The following SYT12 variants were observed in gnomAD, a reference collection of about 807,000 sequenced individuals.
The protein encoded by SYT12 is synaptotagmin 12.
A neutral mutation model predicts 39.5 loss-of-function variants in SYT12; 27 were observed. The observed-to-expected ratio is 0.68, with a 90% CI of 0.50 to 0.94. SYT12 has a LOEUF of 0.94. Among genes scored for constraint, SYT12 ranks in the 40% least tolerant of loss-of-function variants. The pLI is 0.00. For synonymous variants in SYT12, 233 were observed against 239.7 expected, an observed-to-expected ratio of 0.97 and a Z score of 0.26; for missense variants, 536 against 572.6, an observed-to-expected ratio of 0.94 and a Z score of 0.65.
At chr11:67,007,020 C>T (rs1486523665) in exon 1 of SYT12, 1 of 152,216 alleles carries the variant, frequency 6.6e-6, no homozygotes, top group East Asian at 1.9e-4. Flanking sequence ...GCTTAGCCGA[C>T]GAAGGGAAAA....
intron 3 of SYT12, among the ~76,000 whole-genome samples, chr11:67,035,379 A>G (rs141249658): frequency 1.5e-3 from 222 of 146,578 alleles, no homozygotes; most frequent in African/African-American, 5.6e-3. Context: ...GGGCTACCCC[A>G]TAGGCCAAAT....
intron 3 of SYT12, among the ~76,000 whole-genome samples, chr11:67,013,441 A>C (rs1950029196): frequency 6.6e-6 from 1 of 152,068 alleles, no homozygotes; most frequent in Non-Finnish European, 1.5e-5. Context: ...CCTTCCAGGA[A>C]CTGAGTGAGC....
rs1399664414 is a variant in SYT12, at chr11:67,040,035, C to T, written c.453C>T (p.Phe151=). ...SSVSNTFGQD[F]TLGQVEVSME... is the part of the protein sequence containing the mutation. ...TGAGCAACACCTTTGGGCAGGACTT[C>T]ACACTGGGCCAGGTGGAGGTGAGCA... The change falls in exon 4 of 8, where the codon TTC becomes TTT. Residue 151 remains phenylalanine (F), a synonymous_variant. Transcript: ENST00000527043. The T allele has an allele frequency of 3.5e-5, 56 of 1,613,864 alleles. No individual in the cohort carries two copies. Among genetic ancestry groups the T allele is most frequent in the Non-Finnish European group, 4.7e-5 (56 of 1,180,038 alleles).
chr11:67,039,894 T>C lies in SYT12; in HGVS notation c.312T>C (p.Phe104=). 6.2e-7 allele frequency: 1 copy of C among 1,613,650 alleles called. No homozygotes were observed. Among genetic ancestry groups the C allele is most frequent in the South Asian group, 1.1e-5 (1 of 91,082 alleles). Residue 104 remains phenylalanine (F), a synonymous_variant, in exon 4 of 8, where the codon TTT becomes TTC. Coordinates refer to ENST00000527043, the MANE Select transcript of SYT12 (RefSeq NM_177963.4). ...GCAGTCTCAGCATTGAGGACACCTT[T>C]GAGAGCATCAGTGAACTGGGGCCTC... The part of the protein sequence containing the change: ...RKGSLSIEDT[F]ESISELGPLE...
chr11:67,024,547 C>T (rs939377631), intron 1 of SYT12, among the ~76,000 whole-genome samples: 7 of 152,204 alleles, frequency 4.6e-5, no homozygotes, highest in African/African-American at 1.7e-4. Context: ...GCCCACACTG[C>T]ACCTCAGTTT....
chr11:67,034,368 A>G (rs573398570), intron 2 of SYT12, among the ~76,000 whole-genome samples: 1 of 152,324 alleles, frequency 6.6e-6, no homozygotes, highest in African/African-American at 2.4e-5. Flanking sequence ...AGAAATGTCT[A>G]TTGGAGCATT....
chr11:67,034,877 C>T (rs1179086933), intron 3 of SYT12, 39 bp downstream of exon 3: 3 of 1,439,012 alleles, frequency 2.1e-6, no homozygotes, highest in East Asian at 2.6e-5. Flanking sequence ...GCGAGTGCAA[C>T]CCCATGCCCC....
At chr11:67,029,950 A>C in intron 1 of SYT12, 172 bp from the exon 2 acceptor site, 1 of 582,748 alleles carries the variant, frequency 1.7e-6, no homozygotes, top group Admixed American at 3.2e-5. Flanking sequence ...GAATGCTTGA[A>C]AAGAGCTTTA....
At chr11:67,033,478 A>G (rs1950306771) in intron 2 of SYT12, among the ~76,000 whole-genome samples, 1 of 152,162 alleles carries the variant, frequency 6.6e-6, no homozygotes, top group East Asian at 1.9e-4. Context: ...GCAGTGATCA[A>G]TCTCATGCCC....
chr11:67,014,853 AC>A (rs1231252549), intron 3 of SYT12, among the ~76,000 whole-genome samples: 4 of 151,506 alleles, frequency 2.6e-5, no homozygotes, highest in Non-Finnish European at 2.9e-5. Flanking sequence ...CCTCCTTACT[AC>A]CACTCTCGAC....
chr11:67,046,969 A>AT lies in SYT12; in HGVS notation c.1092+1105dup, dbSNP rs988494593. 2.7e-3 allele frequency among the ~76,000 whole-genome samples: 399 copies of AT among 145,732 alleles called. 1 individual carries two copies. Among genetic ancestry groups the AT allele is most frequent in the East Asian group, 7.6e-3 (38 of 5,000 alleles). On this transcript the variant is annotated intron_variant, in intron 7 of 7. Transcript: ENST00000527043. ...AAACAGCCCTATGAGATAGAAACCAATTTTTTTTTTTTTGAGACAGAGTCT... is the reference window on the plus strand; with the variant it reads ...AAACAGCCCTATGAGATAGAAACCAATTTTTTTTTTTTTTGAGACAGAGTCT...
upstream of SYT12, among the ~76,000 whole-genome samples, chr11:67,019,464 C>T (rs1342339611): frequency 6.7e-6 from 1 of 150,336 alleles, no homozygotes; most frequent in African/African-American, 2.5e-5. Context: ...AAGAGCGAAA[C>T]TCCACCTCAA....
intron 7 of SYT12, among the ~76,000 whole-genome samples, chr11:67,047,548 G>A (rs1482410690): frequency 1.3e-5 from 2 of 150,612 alleles, no homozygotes; most frequent in South Asian, 4.3e-4. Context: ...GATTACAGAT[G>A]TGAGCCACCA....
upstream of SYT12, among the ~76,000 whole-genome samples, chr11:67,022,466 C>T (rs767249033): frequency 2.0e-5 from 3 of 152,234 alleles, no homozygotes; most frequent in Non-Finnish European, 4.4e-5. Flanking sequence ...GCCTCACTGC[C>T]AGACTGCGCG....
At chr11:67,027,769 T>G (rs886648867) in intron 1 of SYT12, 2 of 152,230 alleles carry the variant, frequency 1.3e-5, no homozygotes, top group East Asian at 3.8e-4. Context: ...ATGCATACCT[T>G]GCTCGCGTGC....
rs1317015327 is a variant in SYT12, at chr11:67,049,448, A to C, written c.*691A>C. 1.3e-5 allele frequency: 2 copies of C among 152,268 alleles called. No homozygotes were observed. 9.4% of individuals were successfully genotyped at this position (152,268 alleles called of 1,614,324 possible). On this transcript the variant is annotated 3_prime_UTR_variant, in exon 8 of 8. Transcript: ENST00000527043. ...GGCAGCAGCCTACCGGCCACGTGGA[A>C]CACTGGCTCCGGAGTTATTCTCTGT...
chr11:67,035,700 G>T (rs781356016), intron 3 of SYT12, among the ~76,000 whole-genome samples: 1 of 151,110 alleles, frequency 6.6e-6, no homozygotes, highest in Non-Finnish European at 1.5e-5. Flanking sequence ...CTCGTGATCC[G>T]CCCGCCTTGG....
intron 2 of SYT12, among the ~76,000 whole-genome samples, chr11:67,033,992 C>A (rs1244305921): frequency 1.3e-5 from 2 of 152,136 alleles, no homozygotes; most frequent in Non-Finnish European, 2.9e-5. Flanking sequence ...GTCTCCAAGC[C>A]CTGCACAGCC....
chr11:67,017,249 T>C (rs747870595), intron 3 of SYT12, among the ~76,000 whole-genome samples: 1 of 152,146 alleles, frequency 6.6e-6, no homozygotes, highest in African/African-American at 2.4e-5. Context: ...AGGCCGGGTA[T>C]GGTGGCTCAC....
Sources: allele counts gnomAD v4.1 joint callset (sites outside exome capture counted in the v4.1 genomes callset), GRCh38; gene constraint gnomAD v4.1.1; transcripts MANE v1.5; gene names NCBI Gene and HGNC (gene_info 2026-07-23, HGNC 2026-07-21).